NGEF: variants seen among roughly 807,000 people sequenced by gnomAD.
The protein encoded by NGEF is neuronal guanine nucleotide exchange factor, also known as ephexin-1.
NGEF carries 31 observed loss-of-function variants against 80.9 expected under a neutral mutation model. The ratio of observed to expected loss-of-function variants is 0.38; its 90% CI spans 0.29 to 0.52. NGEF has a LOEUF of 0.52. NGEF is among the 20% of genes least tolerant of loss of function. NGEF has a pLI of 0.84. For missense variants in NGEF, 709 were observed against 926.2 expected, an observed-to-expected ratio of 0.77 and a Z score of 3.04; for synonymous variants, 371 against 370.2, an observed-to-expected ratio of 1.00 and a Z score of -0.03.
chr2:232,890,474 C>T (rs957514605), intron 8 of NGEF, among the ~76,000 whole-genome samples: 3 of 152,240 alleles, frequency 2.0e-5, no homozygotes, highest in Non-Finnish European at 4.4e-5. Context: ...TTGATGCCAG[C>T]GAGTCCTGCC....
At chr2:232,924,738 G>A (rs1693023615) in intron 4 of NGEF, among the ~76,000 whole-genome samples, 1 of 152,232 alleles carries the variant, frequency 6.6e-6, no homozygotes, top group Non-Finnish European at 1.5e-5. Flanking sequence ...TAACTGAGAT[G>A]AGACACTTTT....
At chr2:232,959,823 C>T (rs1347108035) in intron 3 of NGEF, among the ~76,000 whole-genome samples, 1 of 152,234 alleles carries the variant, frequency 6.6e-6, no homozygotes, top group Non-Finnish European at 1.5e-5. Context: ...AGGTAATCTG[C>T]CCGCCTCGGC....
intron 1 of NGEF, among the ~76,000 whole-genome samples, chr2:233,005,645 C>T (rs1190405633): frequency 6.6e-6 from 1 of 152,114 alleles, no homozygotes; most frequent in African/African-American, 2.4e-5. Context: ...GAGGAAGAGA[C>T]CACAAGCAAA....
chr2:232,913,547 G>A lies in NGEF; in HGVS notation c.828+6737C>T, dbSNP rs547739826. On this transcript the variant is annotated intron_variant, in intron 5 of 14. Coordinates refer to ENST00000264051, the MANE Select transcript of NGEF (RefSeq NM_019850.3). Reference sequence around the variant, plus strand: ...AGATGTTATGTCTCCCAGTTCTACTGATTACTGACAGAACAGTGTCCTTGA... The same window carrying A: ...AGATGTTATGTCTCCCAGTTCTACTAATTACTGACAGAACAGTGTCCTTGA... Among the ~76,000 whole-genome samples the A allele has an allele frequency of 3.9e-5, 6 of 152,250 alleles. No homozygotes were observed. In the South Asian group the frequency reaches 1.2e-3, roughly 32 times the overall value.
At chr2:232,883,804 C>T (rs1030966761) in intron 11 of NGEF, among the ~76,000 whole-genome samples, 177 bp downstream of exon 11, 4 of 152,180 alleles carry the variant, frequency 2.6e-5, no homozygotes, top group African/African-American at 7.2e-5. Context: ...GGCTTAGGAA[C>T]GTGAAATAAC....
chr2:232,933,543 C>G (rs545256306), intron 3 of NGEF, among the ~76,000 whole-genome samples: 2 of 152,184 alleles, frequency 1.3e-5, no homozygotes, highest in Non-Finnish European at 2.9e-5. Context: ...CTGATTTTGT[C>G]CCCTCCTTGC....
chr2:232,964,899 G>A (rs1388255557), intron 3 of NGEF, among the ~76,000 whole-genome samples: 1 of 152,164 alleles, frequency 6.6e-6, no homozygotes, highest in Non-Finnish European at 1.5e-5. Context: ...TTGAAAACGG[G>A]CCCTGAGGGG....
At chr2:232,996,364 A>G (rs1020193715) in intron 1 of NGEF, among the ~76,000 whole-genome samples, 1 of 152,068 alleles carries the variant, frequency 6.6e-6, no homozygotes, top group South Asian at 2.1e-4. Context: ...AACAACAACA[A>G]CAGCAACCGA....
intron 1 of NGEF, among the ~76,000 whole-genome samples, chr2:233,000,833 G>A (rs1403221960): frequency 6.6e-6 from 1 of 152,066 alleles, no homozygotes; most frequent in Non-Finnish European, 1.5e-5. Context: ...CACACGGGGG[G>A]TTAGGGCATC....
chr2:232,985,674 A>G (rs888599797), intron 1 of NGEF, among the ~76,000 whole-genome samples: 1 of 152,106 alleles, frequency 6.6e-6, no homozygotes, highest in African/African-American at 2.4e-5. Context: ...AATGGCGTGA[A>G]CCCAGGAGGT....
rs914975740 is a variant in NGEF, at chr2:232,878,891, C to T, written c.*598G>A. 6.6e-6 allele frequency: 1 copy of T among 152,606 alleles called. No individual in the cohort carries two copies. Among genetic ancestry groups the T allele is most frequent in the Non-Finnish European group, 1.5e-5 (1 of 68,080 alleles). The allele number at this position is 152,606 out of a possible 1,614,324, so 9.5% of individuals were successfully genotyped here. ...GGCGGGAGGGGTCCCCAGCCAAGCT[C>T]TGGCAGGCCTGCCATGGGGCAGGGC... On this transcript the variant is annotated 3_prime_UTR_variant, in exon 15 of 15. Transcript: ENST00000264051.
chr2:232,980,236 G>A (rs1694385329), intron 1 of NGEF, among the ~76,000 whole-genome samples: 1 of 152,164 alleles, frequency 6.6e-6, no homozygotes, highest in African/African-American at 2.4e-5. Context: ...GAATCAGTGT[G>A]TGAATCAGTG....
At chr2:232,951,209 G>A (rs1370895070) in intron 3 of NGEF, among the ~76,000 whole-genome samples, 4 of 152,154 alleles carry the variant, frequency 2.6e-5, no homozygotes, top group Non-Finnish European at 5.9e-5. Flanking sequence ...TAGCCTCTCT[G>A]GTGGCCACGC....
At chr2:232,929,528 C>A (rs1693176536) in intron 3 of NGEF, among the ~76,000 whole-genome samples, 1 of 152,128 alleles carries the variant, frequency 6.6e-6, no homozygotes, top group African/African-American at 2.4e-5. Context: ...TCTCTTCATG[C>A]CCTTTGGGGC....
At chr2:232,966,025 G>A (rs538063225) in intron 3 of NGEF, among the ~76,000 whole-genome samples, 1 of 152,316 alleles carries the variant, frequency 6.6e-6, no homozygotes, top group Non-Finnish European at 1.5e-5. Context: ...AGCTTTGCTG[G>A]CTACTTGGAA....
chr2:232,883,370 C>T lies in NGEF; in HGVS notation c.1698G>A (p.Leu566=), dbSNP rs374462143. The change falls in exon 12 of 15, where the codon CTG becomes CTA. Residue 566 remains leucine, a synonymous_variant. Transcript: ENST00000264051. ...QGQTLANVFI[L]RLLENADDRE... Reference sequence around the variant, plus strand: ...GGTCATCTGCGTTCTCCAGCAGCCGCAGGATGAACACGTTGGCCAGCGTCT... The same window carrying T: ...GGTCATCTGCGTTCTCCAGCAGCCGTAGGATGAACACGTTGGCCAGCGTCT... 1 of 1,613,208 alleles carries T rather than the reference C, an allele frequency of 6.2e-7. No individual in the cohort carries two copies. Among genetic ancestry groups the T allele is most frequent in the African/African-American group, 1.3e-5 (1 of 75,040 alleles).
chr2:232,944,756 T>C (rs1693518726), intron 3 of NGEF, among the ~76,000 whole-genome samples: 3 of 126,780 alleles, frequency 2.4e-5, no homozygotes, highest in South Asian at 5.3e-4. Context: ...TATATATATA[T>C]ATATATCTTT....
At chr2:232,975,482 T>G (rs946960917) in intron 1 of NGEF, among the ~76,000 whole-genome samples, 17 of 152,116 alleles carry the variant, frequency 1.1e-4, no homozygotes, top group African/African-American at 3.6e-4. Flanking sequence ...GCCTTTCTGA[T>G]GGAATGATGT....
chr2:232,970,408 T>A, intron 2 of NGEF, 80 bp from the exon 3 acceptor site: 2 of 904,198 alleles, frequency 2.2e-6, no homozygotes, highest in Non-Finnish European at 3.4e-6. Flanking sequence ...CCTAGGACAG[T>A]AGCAGCAGTC....
Sources: allele counts gnomAD v4.1 joint callset (sites outside exome capture counted in the v4.1 genomes callset), GRCh38; gene constraint gnomAD v4.1.1; transcripts MANE v1.5; gene names NCBI Gene and HGNC (gene_info 2026-07-23, HGNC 2026-07-21).